Variants in RCC2 observed in about 807,000 individuals in gnomAD.
RCC2 encodes the protein protein RCC2.
A neutral mutation model predicts 64.1 loss-of-function variants in RCC2; 19 were observed. The observed-to-expected ratio is 0.30, with a 90% CI of 0.21 to 0.44. The LOEUF is 0.44. Among genes scored for constraint, RCC2 ranks in the 20% least tolerant of loss-of-function variants. The pLI, the probability that RCC2 is intolerant of heterozygous loss-of-function variation, is 1.00. For synonymous variants in RCC2, 325 were observed against 279.6 expected (o/e 1.16, Z -1.62); for missense variants, 508 against 710.4 (o/e 0.72, Z 3.24).
Position 17,429,219 on chromosome 1 carries a change from A to G in RCC2, c.286-20T>C, listed in dbSNP as rs2075649056. On this transcript the variant is annotated intron_variant, in intron 2 of 12. Transcript: ENST00000375436. ...AAGTTTCTGCAGAGACAGAGAAAGG[A>G]AAAAAGAATTAGTGTGTAAGTCTGC... 1 of 1,601,552 alleles carries G rather than the reference A, an allele frequency of 6.2e-7. No individual in the cohort carries two copies. The highest frequency in any genetic ancestry group is 1.7e-5 in the Admixed American group (1 of 59,982).
At chr1:17,417,097 G>T (rs778505767) in intron 7 of RCC2, among the ~76,000 whole-genome samples, 27 of 152,172 alleles carry the variant, frequency 1.8e-4, no homozygotes, top group Non-Finnish European at 1.5e-5. Context: ...AAAAGACCAA[G>T]AATAGACAGA....
At chr1:17,420,038 C>A (rs1197479775) in intron 7 of RCC2, among the ~76,000 whole-genome samples, 1 of 152,218 alleles carries the variant, frequency 6.6e-6, no homozygotes, top group African/African-American at 2.4e-5. Flanking sequence ...AGGGCGCCCG[C>A]GCCACACCTC....
At chr1:17,419,799 G>T (rs1004126957) in intron 7 of RCC2, among the ~76,000 whole-genome samples, 1 of 152,194 alleles carries the variant, frequency 6.6e-6, no homozygotes, top group Non-Finnish European at 1.5e-5. Context: ...CCGCAGCAGG[G>T]CTGTGGCCAT....
At chr1:17,438,846 A>C (rs902375509) in intron 1 of RCC2, among the ~76,000 whole-genome samples, 1 of 152,186 alleles carries the variant, frequency 6.6e-6, no homozygotes, top group African/African-American at 2.4e-5. Context: ...CCAAAAGTAA[A>C]GGGAAAGTAA....
At chr1:17,438,869 G>T (rs766231659) in intron 1 of RCC2, among the ~76,000 whole-genome samples, 11 of 152,190 alleles carry the variant, frequency 7.2e-5, no homozygotes, top group Non-Finnish European at 1.3e-4. Context: ...CCAGCCTCCA[G>T]TCCCCTAGAT....
At chr1:17,413,034 G>C (rs964710381) in intron 10 of RCC2, 39 bp downstream of exon 10, 8 of 1,475,556 alleles carry the variant, frequency 5.4e-6, no homozygotes, top group African/African-American at 1.4e-5. Context: ...CCCCATGAAA[G>C]GAAGAGACCT....
At chr1:17,413,758 C>A (rs754567638) in intron 8 of RCC2, 41 bp from the exon 9 acceptor site, 2 of 1,566,400 alleles carry the variant, frequency 1.3e-6, no homozygotes, top group South Asian at 1.2e-5. Context: ...AAACAGACTT[C>A]CAACAGGCAA....
chr1:17,413,768 A>G (rs1349326874), intron 8 of RCC2, 51 bp from the exon 9 acceptor site: 1 of 1,510,962 alleles, frequency 6.6e-7, no homozygotes, highest in Non-Finnish European at 9.0e-7. Flanking sequence ...CCAACAGGCA[A>G]CAAGAGGGGT....
At chr1:17,422,011 G>A (rs2075561320) in intron 6 of RCC2, among the ~76,000 whole-genome samples, 192 bp downstream of exon 6, 2 of 151,940 alleles carry the variant, frequency 1.3e-5, no homozygotes, top group South Asian at 4.2e-4. Flanking sequence ...GGCAAAAAGA[G>A]TGAAACTCCG....
chr1:17,414,190 C>T (rs577186963), intron 8 of RCC2, among the ~76,000 whole-genome samples: 2 of 152,266 alleles, frequency 1.3e-5, no homozygotes, highest in African/African-American at 4.8e-5. Flanking sequence ...TCAGAAGCAA[C>T]AGGGCTATGT....
chr1:17,437,766 G>A (rs2075753454), intron 2 of RCC2, among the ~76,000 whole-genome samples: 2 of 12,098 alleles, frequency 1.7e-4, no homozygotes, highest in South Asian at 2.1e-3. Context: ...GCCGCTCCCC[G>A]CAGAGCGCCG....
rs2075386657 is a variant in RCC2 at position 17,408,328 on chromosome 1, A to C, written c.*762T>G. The C allele has an allele frequency of 6.6e-6, 1 of 152,242 alleles. No homozygotes were observed. Among genetic ancestry groups the C allele is most frequent in the African/African-American group, 2.4e-5 (1 of 41,440 alleles). The allele number at this position is 152,242 out of a possible 1,614,324, so 9.4% of individuals were successfully genotyped here. A position where few individuals can be genotyped will look rare whatever the true frequency, so the allele number is the denominator to read the frequency against. On this transcript the variant is annotated 3_prime_UTR_variant, in exon 13 of 13. Transcript: ENST00000375436. ...GGGAGCCACCAAGCTGACTCAACTG[A>C]TACAAATGTTCCCACCTCTGCCCCA...
chr1:17,422,861 GA>G (rs2075570322), intron 4 of RCC2, 25 bp from the exon 5 acceptor site: 1 of 1,613,204 alleles, frequency 6.2e-7, no homozygotes, highest in Admixed American at 1.7e-5. Flanking sequence ...AGAGAAAGTA[GA>G]AAAGAGAGAG....
At chr1:17,411,970 A>C in intron 11 of RCC2, 152 bp downstream of exon 11, 34 of 687,078 alleles carry the variant, frequency 4.9e-5, no homozygotes, top group Non-Finnish European at 6.0e-5. Flanking sequence ...AACTCATGGG[A>C]CTCAATCGTG....
chr1:17,409,626 C>G (rs1007597768), intron 12 of RCC2, among the ~76,000 whole-genome samples: 1 of 152,248 alleles, frequency 6.6e-6, no homozygotes, highest in African/African-American at 2.4e-5. Flanking sequence ...AGCCACGCAG[C>G]CTCTACTCTG....
At chr1:17,410,170 G>GC in intron 11 of RCC2, 119 bp from the exon 12 acceptor site, 5 of 848,094 alleles carry the variant, frequency 5.9e-6, no homozygotes, top group Middle Eastern at 3.5e-4. Flanking sequence ...ATGCCCTCTG[G>GC]CCCATGACAA....
At chr1:17,431,382 G>A (rs1433482968) in intron 2 of RCC2, among the ~76,000 whole-genome samples, 52 of 69,814 alleles carry the variant, frequency 7.4e-4, no homozygotes, top group Non-Finnish European at 1.1e-3. Flanking sequence ...ATATATATAT[G>A]TGGGCTGGGT....
chr1:17,412,009 A>G (rs1170031655), intron 11 of RCC2, 113 bp downstream of exon 11: 5 of 902,484 alleles, frequency 5.5e-6, no homozygotes, highest in African/African-American at 1.7e-5. Context: ...TAAGGGGGGA[A>G]TCCCAAATGT....
chr1:17,417,875 T>C (rs569741260), intron 7 of RCC2, among the ~76,000 whole-genome samples: 1 of 150,560 alleles, frequency 6.6e-6, no homozygotes, highest in South Asian at 2.1e-4. Context: ...GGTCCAAAAA[T>C]ATCTGGGGGG....
Sources: allele counts gnomAD v4.1 joint callset (sites outside exome capture counted in the v4.1 genomes callset), GRCh38; gene constraint gnomAD v4.1.1; transcripts MANE v1.5; gene names NCBI Gene and HGNC (gene_info 2026-07-23, HGNC 2026-07-21).